The following CNTN3 variants were observed in gnomAD, a reference collection of about 807,000 sequenced individuals.
CNTN3 encodes contactin-3.
Under a neutral mutation model 119.1 loss-of-function variants are expected in CNTN3, and 60 were observed. The ratio of observed to expected loss-of-function variants is 0.50; its 90% CI spans 0.41 to 0.62. The LOEUF (loss-of-function observed/expected upper bound fraction) is 0.62, where lower values mean the gene tolerates loss of function less well. Among genes scored for constraint, CNTN3 ranks in the 20% least tolerant of loss-of-function variants. The pLI, the probability that CNTN3 is intolerant of heterozygous loss-of-function variation, is 0.00. For missense variants in CNTN3, 1,101 were observed against 1,242.4 expected, an observed-to-expected ratio of 0.89 and a Z score of 1.71; for synonymous variants, 450 against 438.7, an observed-to-expected ratio of 1.03 and a Z score of -0.32.
intron 4 of CNTN3, among the ~76,000 whole-genome samples, 197 bp downstream of exon 4, chr3:74,486,255 CACAG>C (rs1028731493): frequency 5.9e-5 from 9 of 151,412 alleles, no homozygotes; most frequent in South Asian, 4.2e-4. Flanking sequence ...CCAGCATACA[CACAG>C]ACATACACAC....
intron 4 of CNTN3, among the ~76,000 whole-genome samples, chr3:74,445,120 T>C (rs1029230005): frequency 1.3e-5 from 2 of 152,204 alleles, no homozygotes; most frequent in Non-Finnish European, 2.9e-5. Flanking sequence ...ATGCCACTAA[T>C]GGCATTCACA....
At chr3:74,546,846 T>C (rs1170194448) in intron 1 of CNTN3, among the ~76,000 whole-genome samples, 3 of 152,192 alleles carry the variant, frequency 2.0e-5, no homozygotes, top group Non-Finnish European at 2.9e-5. Context: ...ATGAGTTGTG[T>C]CCTTCTAGAG....
chr3:74,319,929 A>T (rs537716386), intron 13 of CNTN3, among the ~76,000 whole-genome samples: 1 of 152,326 alleles, frequency 6.6e-6, no homozygotes, highest in African/African-American at 2.4e-5. Context: ...GCTCACCATC[A>T]CTGGCCATCG....
At chr3:74,465,952 A>C (rs1051656623) in intron 4 of CNTN3, among the ~76,000 whole-genome samples, 4 of 152,136 alleles carry the variant, frequency 2.6e-5, no homozygotes, top group African/African-American at 9.7e-5. Flanking sequence ...CCAAGGCCTG[A>C]AGGCACCGTT....
chr3:74,469,982 C>T (rs1702530638), intron 4 of CNTN3, among the ~76,000 whole-genome samples: 1 of 152,092 alleles, frequency 6.6e-6, no homozygotes, highest in African/African-American at 2.4e-5. Flanking sequence ...AATCGATAAA[C>T]AGCATGTGAT....
Position 74,369,250 on chromosome 3 carries a change from A to C in CNTN3, c.885T>G (p.Tyr295Ter). ...PNFQQEDAGS[Y>*]ECIAENSRGK... ...CTCGTGAATTCTCAGCAATGCATTC[A>C]TAGGAACCTGCATCTTCCTGTTGGA... The change falls in exon 8 of 23, where the codon TAT becomes TAG. Residue 295 changes from tyrosine (Y) to a stop codon, truncating the protein, a stop_gained. Coordinates refer to ENST00000263665, the MANE Select transcript of CNTN3 (RefSeq NM_020872.3). LOFTEE classifies it high-confidence loss of function. 1 of 1,611,370 alleles carries C rather than the reference A, an allele frequency of 6.2e-7. No homozygotes were observed. Among genetic ancestry groups the C allele is most frequent in the Non-Finnish European group, 8.5e-7 (1 of 1,178,728 alleles).
In CNTN3 at chr3:74,514,646, G is replaced by A. The variant is rs536150815; in HGVS notation, c.55+6412C>T. ...CACAACCAGATGCTTATATATGTAG[G>A]GATGCATGTGTAACTTGATTTTTCT... On this transcript the variant is annotated intron_variant, in intron 2 of 22. Transcript: ENST00000263665. Among the ~76,000 whole-genome samples the A allele has an allele frequency of 3.3e-5, 5 of 152,044 alleles. No individual in the cohort carries two copies. The South Asian group carries it at 6.2e-4, about 19-fold the overall frequency.
At chr3:74,603,150 G>A (rs1353743851) in intron 1 of CNTN3, among the ~76,000 whole-genome samples, 1 of 152,086 alleles carries the variant, frequency 6.6e-6, no homozygotes, top group Non-Finnish European at 1.5e-5. Flanking sequence ...CATGCACAGA[G>A]TTGTCCAAAT....
At chr3:74,578,070 T>A (rs1297506910) in intron 1 of CNTN3, among the ~76,000 whole-genome samples, 2 of 152,052 alleles carry the variant, frequency 1.3e-5, no homozygotes, top group African/African-American at 4.8e-5. Flanking sequence ...CCTTACAAGG[T>A]CAAGTTGACG....
rs774404835 is a variant in CNTN3, at chr3:74,523,568, T to C, written c.-80-2376A>G. Among the ~76,000 whole-genome samples, 3 of 151,992 alleles carry C rather than the reference T, an allele frequency of 2.0e-5. No individual in the cohort carries two copies. In the South Asian group the frequency reaches 6.2e-4, roughly 31 times the overall value. Reference sequence around the variant, plus strand: ...ACAGAAGTTATAGCTATCCAGTATATACACGAAATCTAACTTAGAAGGAAT... The same window carrying C: ...ACAGAAGTTATAGCTATCCAGTATACACACGAAATCTAACTTAGAAGGAAT... On this transcript the variant is annotated intron_variant, in intron 1 of 22. Transcript: ENST00000263665.
chr3:74,546,178 G>T (rs1282750655), intron 1 of CNTN3, among the ~76,000 whole-genome samples: 1 of 151,928 alleles, frequency 6.6e-6, no homozygotes, highest in African/African-American at 2.4e-5. Flanking sequence ...TGCATTTTCA[G>T]TAGAGACAGG....
chr3:74,404,330 G>A (rs934822684), intron 5 of CNTN3, among the ~76,000 whole-genome samples: 3 of 152,084 alleles, frequency 2.0e-5, no homozygotes, highest in African/African-American at 7.2e-5. Context: ...CTTTTGCAAT[G>A]TGTCAGGGAT....
Position 74,371,316 on chromosome 3 carries a change from G to T in CNTN3, c.538C>A (p.His180Asn). ...SRRFVSQETG[H>N]LYISKVEPSD... is the part of the protein sequence containing the mutation. ...GGCTCCACCTTAGATATGTAGAGGT[G>T]CCCTGTCTCCTGGGAGACAAATCTC... Residue 180 changes from histidine to asparagine, a missense_variant, in exon 6 of 23, where the codon CAC (histidine) becomes AAC (asparagine). By Grantham distance (68) the His-to-Asn change is moderately conservative (BLOSUM62 1). Coordinates refer to ENST00000263665, the MANE Select transcript of CNTN3 (RefSeq NM_020872.3). 6.2e-7 allele frequency: 1 copy of T among 1,613,134 alleles called. No individual in the cohort carries two copies.
At chr3:74,436,490 T>C (rs1422542418) in intron 4 of CNTN3, among the ~76,000 whole-genome samples, 1 of 152,178 alleles carries the variant, frequency 6.6e-6, no homozygotes, top group Non-Finnish European at 1.5e-5. Context: ...AGCTGCTCTC[T>C]AGCAAGCCCT....
chr3:74,345,237 C>T (rs1703662495), intron 11 of CNTN3, among the ~76,000 whole-genome samples: 1 of 152,164 alleles, frequency 6.6e-6, no homozygotes, highest in Admixed American at 6.5e-5. Context: ...GTCCTGACAA[C>T]CTGAACATTC....
chr3:74,571,076 G>A (rs1240603868), intron 1 of CNTN3, among the ~76,000 whole-genome samples: 3 of 152,128 alleles, frequency 2.0e-5, no homozygotes, highest in Admixed American at 6.6e-5. Context: ...GTGCTTTTCC[G>A]TGAAACAATA....
chr3:74,314,571 A>T lies in CNTN3; in HGVS notation c.1669-11764T>A, dbSNP rs563697002. Among the ~76,000 whole-genome samples the T allele has an allele frequency of 8.5e-5, 13 of 152,318 alleles. No homozygotes were observed. The South Asian group carries it at 2.7e-3, about 32-fold the overall frequency. On this transcript the variant is annotated intron_variant, in intron 13 of 22. Transcript: ENST00000263665. ...TGTCAGGGCTAATGAGGGGCATTAC[A>T]TAATAAAGGGACACTCCAAGAGGAT...
chr3:74,282,154 T>C (rs1174523204), intron 20 of CNTN3, among the ~76,000 whole-genome samples: 1 of 152,214 alleles, frequency 6.6e-6, no homozygotes, highest in African/African-American at 2.4e-5. Context: ...TTAAAGAGGC[T>C]AATTAGTGTT....
At chr3:74,546,876 T>C (rs1400497429) in intron 1 of CNTN3, among the ~76,000 whole-genome samples, 3 of 152,208 alleles carry the variant, frequency 2.0e-5, no homozygotes, top group Non-Finnish European at 1.5e-5. Context: ...TAATACACAG[T>C]CAAATACTCA....
Sources: allele counts gnomAD v4.1 joint callset (sites outside exome capture counted in the v4.1 genomes callset), GRCh38; gene constraint gnomAD v4.1.1; transcripts MANE v1.5; gene names NCBI Gene and HGNC (gene_info 2026-07-23, HGNC 2026-07-21).